SLC25A40: variants seen among roughly 807,000 people sequenced by gnomAD.
SLC25A40 encodes the protein mitochondrial glutathione transporter SLC25A40.
Under a neutral mutation model 46.5 loss-of-function variants are expected in SLC25A40, and 41 were observed. The observed-to-expected ratio is 0.88, with a 90% confidence interval of 0.69 to 1.14. SLC25A40 has a LOEUF of 1.14. Among genes scored for constraint, SLC25A40 ranks in the 50% most tolerant of loss-of-function variants. SLC25A40 has a pLI of 0.00. For missense variants in SLC25A40, 386 were observed against 393.6 expected, an observed-to-expected ratio of 0.98 and a Z score of 0.16; for synonymous variants, 126 against 127.5, an observed-to-expected ratio of 0.99 and a Z score of 0.08.
At chr7:87,865,410 C>T (rs1838776821) in intron 1 of SLC25A40, among the ~76,000 whole-genome samples, 1 of 152,176 alleles carries the variant, frequency 6.6e-6, no homozygotes, top group South Asian at 2.1e-4. Context: ...CAGTTTTTAA[C>T]AGATTTTTCT....
chr7:87,852,770 G>A (rs950587990), intron 5 of SLC25A40, among the ~76,000 whole-genome samples: 15 of 152,040 alleles, frequency 9.9e-5, no homozygotes, highest in Non-Finnish European at 1.9e-4. Context: ...CAACTCAATG[G>A]AGGAAATTAC....
At chr7:87,846,854 C>T in intron 8 of SLC25A40, 95 bp downstream of exon 8, 3 of 1,061,138 alleles carry the variant, frequency 2.8e-6, no homozygotes, top group East Asian at 2.6e-5. Flanking sequence ...AATAACTTAC[C>T]TTTAATGGTA....
intron 1 of SLC25A40, among the ~76,000 whole-genome samples, chr7:87,868,573 C>T (rs1358151486): frequency 2.6e-5 from 4 of 152,164 alleles, no homozygotes; most frequent in Admixed American, 1.3e-4. Flanking sequence ...TGGGTTTGAA[C>T]AATTTGCTAG....
rs201558500 is a variant in SLC25A40, at chr7:87,873,240, GA to G, written c.-94+2855del. On this transcript the variant is annotated intron_variant, in intron 1 of 11. Transcript: ENST00000341119. ...GGTGAAGAGGCTTAGGCAAAAGAAA[GA>G]AAAAAAAAGTGATAAGTACTACAAA... Among the ~76,000 whole-genome samples the G allele has an allele frequency of 1.2e-4, 18 of 149,174 alleles. No individual in the cohort carries two copies. The South Asian group carries it at 2.1e-3, about 17-fold the overall frequency.
At chr7:87,856,746 A>C (rs1838621608) in intron 3 of SLC25A40, among the ~76,000 whole-genome samples, 1 of 152,188 alleles carries the variant, frequency 6.6e-6, no homozygotes, top group African/African-American at 2.4e-5. Context: ...TGTTAAATTT[A>C]CCTGTATCAA....
intron 8 of SLC25A40, among the ~76,000 whole-genome samples, chr7:87,846,477 G>A (rs1436149903): frequency 6.6e-6 from 1 of 152,082 alleles, no homozygotes; most frequent in East Asian, 1.9e-4. Flanking sequence ...TGAGTAATCA[G>A]TACAATTCCC....
In SLC25A40 at chr7:87,834,034, T is replaced by C. The variant is rs776266516; in HGVS notation, c.*2215A>G. 5 of 152,072 alleles carry C rather than the reference T, an allele frequency of 3.3e-5. No homozygotes were observed. The highest frequency in any genetic ancestry group is 3.4e-3 in the Middle Eastern group (1 of 294). The allele number at this position is 152,072 out of a possible 1,614,324, so 9.4% of individuals were successfully genotyped here. ...CTTCCTAAAATTTTACATTAATCAA[T>C]TAAATGTTTATGTTAGAAAATTTAA... On this transcript the variant is annotated 3_prime_UTR_variant, in exon 12 of 12. Coordinates refer to ENST00000341119, the MANE Select transcript of SLC25A40 (RefSeq NM_018843.4).
intron 10 of SLC25A40, among the ~76,000 whole-genome samples, chr7:87,839,980 A>C (rs896073647): frequency 1.3e-5 from 2 of 151,866 alleles, no homozygotes; most frequent in South Asian, 2.1e-4. Context: ...AATAATGTAA[A>C]CCAAAATAGT....
chr7:87,842,060 T>C (rs746276050), intron 9 of SLC25A40: 3 of 367,836 alleles, frequency 8.2e-6, no homozygotes, highest in South Asian at 4.3e-5. Flanking sequence ...CACAAGAAGA[T>C]ACAACACATA....
In SLC25A40 at chr7:87,843,749, C is replaced by A; in HGVS notation, c.741+5G>T. The A allele has an allele frequency of 1.3e-6, 2 of 1,586,884 alleles. No individual in the cohort carries two copies. The highest frequency in any genetic ancestry group is 8.6e-7 in the Non-Finnish European group (1 of 1,159,896). On this transcript the variant is annotated splice_donor_5th_base_variant and intron_variant, in intron 9 of 11. Coordinates refer to ENST00000341119, the MANE Select transcript of SLC25A40 (RefSeq NM_018843.4). The stretch of plus-strand genomic sequence containing the variant: ...GGAATATTAACAACAAAAGAATAAA[C>A]TTACAGAACCAGACAATGCCCCTGA...
intron 8 of SLC25A40, among the ~76,000 whole-genome samples, chr7:87,844,765 A>G (rs575030084): frequency 2.0e-4 from 31 of 152,188 alleles, no homozygotes; most frequent in Non-Finnish European, 3.8e-4. Flanking sequence ...AAAAATTAAA[A>G]TAGAGCTTTA....
intron 8 of SLC25A40, among the ~76,000 whole-genome samples, chr7:87,845,645 G>A (rs1380978875): frequency 6.6e-6 from 1 of 152,074 alleles, no homozygotes; most frequent in Non-Finnish European, 1.5e-5. Flanking sequence ...CACTGCAATA[G>A]GTGATGTTGG....
At chr7:87,868,206 T>C (rs1456224195) in intron 1 of SLC25A40, among the ~76,000 whole-genome samples, 1 of 152,152 alleles carries the variant, frequency 6.6e-6, no homozygotes, top group Non-Finnish European at 1.5e-5. Context: ...ACTTCCAGTA[T>C]AGAAACCATG....
chr7:87,853,334 T>C (rs1399981741), intron 5 of SLC25A40, among the ~76,000 whole-genome samples: 2 of 152,170 alleles, frequency 1.3e-5, no homozygotes, highest in Non-Finnish European at 2.9e-5. Context: ...ATCAAAACAC[T>C]AGTGAAGATG....
intron 1 of SLC25A40, among the ~76,000 whole-genome samples, chr7:87,873,806 G>A (rs1305260477): frequency 6.6e-6 from 1 of 152,136 alleles, no homozygotes; most frequent in Non-Finnish European, 1.5e-5. Context: ...CATTTCTCTT[G>A]ATTCACAGCC....
Position 87,839,992 on chromosome 7 carries a change from A to C in SLC25A40, c.823+1641T>G, listed in dbSNP as rs551426228. On this transcript the variant is annotated intron_variant, in intron 10 of 11. Coordinates refer to ENST00000341119, the MANE Select transcript of SLC25A40 (RefSeq NM_018843.4). ...ATAAATAATGTAAACCAAAATAGTA[A>C]GTATGGGCTGATTATCACTCAAATT... is the stretch of plus-strand genomic sequence containing the variant. Among the ~76,000 whole-genome samples the C allele has an allele frequency of 3.4e-4, 52 of 151,930 alleles. No homozygotes were observed. In the South Asian group the frequency reaches 0.011, roughly 31 times the overall value.
intron 8 of SLC25A40, among the ~76,000 whole-genome samples, chr7:87,846,401 C>T (rs955254491): frequency 1.3e-5 from 2 of 152,142 alleles, no homozygotes; most frequent in African/African-American, 2.4e-5. Flanking sequence ...CTAAAGTAGG[C>T]ACATTCTGTA....
chr7:87,836,647 T>C, intron 11 of SLC25A40, 83 bp downstream of exon 11: 1 of 841,766 alleles, frequency 1.2e-6, no homozygotes, highest in Non-Finnish European at 1.8e-6. Flanking sequence ...TACCTATAAC[T>C]TCCTCCTATA....
intron 1 of SLC25A40, among the ~76,000 whole-genome samples, chr7:87,868,862 C>A (rs928792567): frequency 6.6e-6 from 1 of 152,156 alleles, no homozygotes; most frequent in Non-Finnish European, 1.5e-5. Context: ...AGCTCCTCTC[C>A]TCTCCCCAAA....
Sources: gnomAD v4.1 joint callset for allele counts (sites outside exome capture counted in the v4.1 genomes callset) on GRCh38, gnomAD v4.1.1 for gene constraint, MANE v1.5 for transcripts, NCBI Gene and HGNC (gene_info 2026-07-23, HGNC 2026-07-21) for gene names.